ENOX2: variants seen among roughly 807,000 people sequenced by gnomAD.
The protein encoded by ENOX2 is APK1 antigen.
A neutral mutation model predicts 45.0 loss-of-function variants in ENOX2; 36 were observed. That is an observed-to-expected ratio of 0.80 (90% CI 0.61 to 1.06). The LOEUF (loss-of-function observed/expected upper bound fraction) is 1.06, where lower values mean the gene tolerates loss of function less well. Ranked by LOEUF, ENOX2 falls within the 50% of genes least tolerant of loss-of-function variation. ENOX2 has a pLI of 0.00. For synonymous variants in ENOX2, 174 were observed against 152.3 expected (o/e 1.14, Z -1.05); for missense variants, 423 against 462.5 (o/e 0.91, Z 0.78).
At chrX:130,838,817 G>A (rs1025891895) in intron 2 of ENOX2, among the ~76,000 whole-genome samples, 1 of 111,899 alleles carries the variant, frequency 8.9e-6, no homozygotes, top group Admixed American at 9.5e-5. Flanking sequence ...GATATTTTTT[G>A]TTCATTGATT....
At chrX:130,793,619 C>T (rs1271324440) in intron 2 of ENOX2, among the ~76,000 whole-genome samples, 1 of 111,971 alleles carries the variant, frequency 8.9e-6, no homozygotes, top group Non-Finnish European at 1.9e-5. Flanking sequence ...TCATTTCTCT[C>T]TAAATCCATA....
chrX:130,819,549 A>G (rs1477219326), intron 2 of ENOX2, among the ~76,000 whole-genome samples: 1 of 112,306 alleles, frequency 8.9e-6, no homozygotes, highest in Non-Finnish European at 1.9e-5. Flanking sequence ...CAGCCATAAA[A>G]AAGGATGAGT....
chrX:130,728,145 A>G (rs1317285974), intron 3 of ENOX2, among the ~76,000 whole-genome samples: 2 of 111,294 alleles, frequency 1.8e-5, no homozygotes, highest in African/African-American at 6.6e-5. Context: ...CCTGTAGTTC[A>G]GGCTTTCAGC....
At chrX:130,784,315 C>T (rs1312296289) in intron 2 of ENOX2, among the ~76,000 whole-genome samples, 1 of 111,381 alleles carries the variant, frequency 9.0e-6, no homozygotes, top group Non-Finnish European at 1.9e-5. Context: ...TCACTTTACT[C>T]GTCACTGCTG....
intron 3 of ENOX2, among the ~76,000 whole-genome samples, chrX:130,719,190 C>T (rs183072806): frequency 1.8e-3 from 205 of 111,265 alleles, no homozygotes; most frequent in Middle Eastern, 9.3e-3. Context: ...TCTGTAAATG[C>T]GCAAAAATAC....
At chrX:130,854,162 C>T (rs1400738937) in intron 2 of ENOX2, among the ~76,000 whole-genome samples, 2 of 110,945 alleles carry the variant, frequency 1.8e-5, no homozygotes, top group Non-Finnish European at 3.8e-5. Flanking sequence ...CAACTATGAA[C>T]ATACTTAAAT....
At chrX:130,627,440 G>C (rs1463344861) in intron 14 of ENOX2, among the ~76,000 whole-genome samples, 2 of 110,753 alleles carry the variant, frequency 1.8e-5, no homozygotes, top group Non-Finnish European at 3.8e-5. Context: ...AATTAGCCAG[G>C]CATGGTGGCA....
chrX:130,901,538 G>T (rs943668299), intron 2 of ENOX2, 146 bp downstream of exon 2: 1 of 112,072 alleles, frequency 8.9e-6, no homozygotes, highest in African/African-American at 3.3e-5. Context: ...TGATGCACGG[G>T]GACAGCAAAT....
At chrX:130,688,792 T>C (rs2037514160) in intron 5 of ENOX2, 71 bp downstream of exon 5, 2 of 874,745 alleles carry the variant, frequency 2.3e-6, no homozygotes, top group Admixed American at 3.0e-5. Context: ...GGGTATTCTT[T>C]TGAGAAAGAA....
intron 2 of ENOX2, among the ~76,000 whole-genome samples, chrX:130,784,880 G>A (rs2076945698): frequency 9.2e-6 from 1 of 108,475 alleles, no homozygotes; most frequent in Non-Finnish European, 1.9e-5. Context: ...GAGCCACGGT[G>A]CGCAGCCCAT....
chrX:130,853,143 T>C (rs756946964), intron 2 of ENOX2, among the ~76,000 whole-genome samples: 51 of 107,950 alleles, frequency 4.7e-4, no homozygotes, highest in Non-Finnish European at 8.1e-4. Flanking sequence ...ACCAGCAACC[T>C]AGAAATGCCA....
chrX:130,803,973 C>T (rs1414152248), intron 2 of ENOX2, among the ~76,000 whole-genome samples: 1 of 111,377 alleles, frequency 9.0e-6, no homozygotes, highest in African/African-American at 3.3e-5. Flanking sequence ...TTCATATGGA[C>T]CCCAAACCTC....
Position 130,708,338 on chromosome X carries a change from C to T in ENOX2, c.-38-5084G>A, listed in dbSNP as rs185768801. On this transcript the variant is annotated intron_variant, in intron 3 of 14. Transcript: ENST00000394363. ...TTCAAAGTCTACTGAGAGAACCAAGCATACACATGAATTACTAGAATACAC... is the reference window on the plus strand; with the variant it reads ...TTCAAAGTCTACTGAGAGAACCAAGTATACACATGAATTACTAGAATACAC... 5.4e-5 allele frequency among the ~76,000 whole-genome samples: 6 copies of T among 111,669 alleles called. No homozygotes were observed. In the East Asian group the frequency reaches 1.7e-3, roughly 31 times the overall value.
chrX:130,843,794 G>GGGGT (rs1430972886), intron 2 of ENOX2, among the ~76,000 whole-genome samples: 2 of 111,823 alleles, frequency 1.8e-5, no homozygotes, highest in Non-Finnish European at 3.8e-5. Context: ...AGAGAGTTAG[G>GGGGT]GGGTACCTCA....
chrX:130,645,800 G>A (rs1465138274), intron 10 of ENOX2: 2 of 793,747 alleles, frequency 2.5e-6, no homozygotes, highest in Admixed American at 2.3e-5. Flanking sequence ...TTGGGCTGTC[G>A]CTTGTCTACT....
chrX:130,703,512 T>TTCTC (rs59009662), intron 3 of ENOX2, among the ~76,000 whole-genome samples: 69 of 105,484 alleles, frequency 6.5e-4, no homozygotes, highest in African/African-American at 5.9e-4. Context: ...CCTTTCTTCC[T>TTCTC]TCTCTCTCTC....
Position 130,628,234 on chromosome X carries a change from C to T in ENOX2, c.1529-191G>A, listed in dbSNP as rs181123525. Among the ~76,000 whole-genome samples the T allele has an allele frequency of 4.4e-5, 5 of 112,418 alleles. No individual in the cohort carries two copies. In the East Asian group the frequency reaches 1.4e-3, roughly 31 times the overall value. On this transcript the variant is annotated intron_variant, in intron 13 of 14. Coordinates refer to ENST00000394363, the MANE Select transcript of ENOX2 (RefSeq NM_006375.4). Reference sequence around the variant, plus strand: ...GGTGTGTATTGTCATCCCCAGTTCACAGCTGAGGACACAGATGCACTAAAA... The same window carrying T: ...GGTGTGTATTGTCATCCCCAGTTCATAGCTGAGGACACAGATGCACTAAAA...
chrX:130,713,232 T>C (rs2038238723), intron 3 of ENOX2, among the ~76,000 whole-genome samples: 1 of 108,184 alleles, frequency 9.2e-6, no homozygotes, highest in African/African-American at 3.4e-5. Context: ...ACTTCCTTTA[T>C]CTTTCCCTTC....
intron 10 of ENOX2, among the ~76,000 whole-genome samples, chrX:130,653,898 G>A (rs892511630): frequency 1.8e-5 from 2 of 112,096 alleles, no homozygotes; most frequent in Admixed American, 9.4e-5. Flanking sequence ...TTTTCCAAAT[G>A]TGCTTCCTGG....
Sources: allele counts gnomAD v4.1 joint callset (sites outside exome capture counted in the v4.1 genomes callset), GRCh38; gene constraint gnomAD v4.1.1; transcripts MANE v1.5; gene names NCBI Gene and HGNC (gene_info 2026-07-23, HGNC 2026-07-21).